The following KAZN variants were observed in gnomAD, a reference collection of about 807,000 sequenced individuals.
KAZN encodes kazrin.
KAZN carries 40 observed loss-of-function variants against 87.4 expected under a neutral mutation model. That is an observed-to-expected ratio of 0.46 (90% CI 0.36 to 0.60). The LOEUF is 0.60. Ranked by LOEUF, KAZN falls within the 20% of genes least tolerant of loss-of-function variation. KAZN has a pLI of 0.00. For synonymous variants in KAZN, 466 were observed against 458.3 expected (o/e 1.02, Z -0.22); for missense variants, 898 against 1,073.9 (o/e 0.84, Z 2.29).
intron 2 of KAZN, among the ~76,000 whole-genome samples, chr1:14,570,777 A>G (rs1674815531): frequency 6.6e-6 from 1 of 152,216 alleles, no homozygotes; most frequent in African/African-American, 2.4e-5. Flanking sequence ...TGGTAATTTT[A>G]TGCTTAACAT....
intron 2 of KAZN, among the ~76,000 whole-genome samples, chr1:14,242,991 T>A (rs1347410179): frequency 2.0e-5 from 3 of 152,116 alleles, no homozygotes; most frequent in Non-Finnish European, 2.9e-5. Context: ...CGAATGAAAA[T>A]GAAGATTAAG....
chr1:15,012,403 C>T (rs140795852), intron 2 of KAZN, among the ~76,000 whole-genome samples: 210 of 152,268 alleles, frequency 1.4e-3, no homozygotes, highest in African/African-American at 4.8e-3. Flanking sequence ...CCCAAATCTC[C>T]CATGGTGAGT....
chr1:15,033,036 A>G (rs1239922454), intron 2 of KAZN, among the ~76,000 whole-genome samples: 1 of 151,966 alleles, frequency 6.6e-6, no homozygotes, highest in Admixed American at 6.5e-5. Context: ...TTTTCTTGTC[A>G]TTATTCCCAA....
chr1:14,255,516 C>T (rs749595023), intron 2 of KAZN, among the ~76,000 whole-genome samples: 2 of 152,196 alleles, frequency 1.3e-5, no homozygotes, highest in African/African-American at 4.8e-5. Flanking sequence ...TCAGTTCTGT[C>T]GTCCAGTACT....
intron 1 of KAZN, among the ~76,000 whole-genome samples, chr1:14,740,909 G>T (rs1644077111): frequency 6.6e-6 from 1 of 152,192 alleles, no homozygotes. Flanking sequence ...CCTGGGGAAT[G>T]ACAGACACTT....
At chr1:14,006,091 C>T (rs1640026738) in intron 1 of KAZN, among the ~76,000 whole-genome samples, 1 of 152,008 alleles carries the variant, frequency 6.6e-6, no homozygotes, top group Non-Finnish European at 1.5e-5. Context: ...ATATTTTCTC[C>T]CAATCTGTAG....
chr1:15,103,279 A>G, intron 11 of KAZN, 80 bp from the exon 12 acceptor site: 1 of 1,008,908 alleles, frequency 9.9e-7, no homozygotes, highest in Middle Eastern at 3.0e-4. Context: ...GGGGAAAAAG[A>G]GATGCGGGGC....
intron 2 of KAZN, among the ~76,000 whole-genome samples, chr1:14,368,776 C>A (rs1660220603): frequency 6.6e-6 from 1 of 152,180 alleles, no homozygotes; most frequent in Non-Finnish European, 1.5e-5. Flanking sequence ...GTGTCTAAAG[C>A]AACTCACTCA....
chr1:14,630,387 A>G (rs1297429747), intron 1 of KAZN, among the ~76,000 whole-genome samples: 1 of 152,154 alleles, frequency 6.6e-6, no homozygotes, highest in Non-Finnish European at 1.5e-5. Context: ...CGTTGTCTGT[A>G]TACTCAACTA....
intron 2 of KAZN, among the ~76,000 whole-genome samples, chr1:15,011,657 A>C (rs1024281435): frequency 4.6e-5 from 7 of 152,230 alleles, no homozygotes; most frequent in Non-Finnish European, 8.8e-5. Context: ...ACCAAACTTA[A>C]AGCCGGTGAT....
chr1:14,342,052 A>G (rs901401814), intron 2 of KAZN, among the ~76,000 whole-genome samples: 1 of 152,126 alleles, frequency 6.6e-6, no homozygotes, highest in African/African-American at 2.4e-5. Context: ...CTCATCATTT[A>G]GCTCCCACTT....
intron 13 of KAZN, among the ~76,000 whole-genome samples, chr1:15,104,687 G>A (rs1164315664): frequency 6.6e-6 from 1 of 152,186 alleles, no homozygotes; most frequent in Non-Finnish European, 1.5e-5. Context: ...AAAGTGACCA[G>A]AGAATGAACA....
intron 1 of KAZN, among the ~76,000 whole-genome samples, chr1:14,791,013 C>T (rs1039136092): frequency 1.3e-5 from 2 of 152,182 alleles, no homozygotes; most frequent in Admixed American, 6.5e-5. Context: ...CAAGGGAGGG[C>T]AGGCTGGATT....
intron 1 of KAZN, among the ~76,000 whole-genome samples, chr1:14,070,214 A>C: frequency 6.7e-6 from 1 of 149,496 alleles, no homozygotes; most frequent in East Asian, 2.0e-4. Context: ...GAAAAGAGGG[A>C]GGAGACAAAT....
At chr1:14,842,270 A>G (rs916768886) in intron 1 of KAZN, among the ~76,000 whole-genome samples, 1 of 152,258 alleles carries the variant, frequency 6.6e-6, no homozygotes, top group Non-Finnish European at 1.5e-5. Flanking sequence ...TGTTGAATGC[A>G]TGAATGAATG....
At chr1:13,903,014 G>A (rs1161752138) in intron 1 of KAZN, among the ~76,000 whole-genome samples, 1 of 152,264 alleles carries the variant, frequency 6.6e-6, no homozygotes, top group East Asian at 1.9e-4. Context: ...AGCAAATGAG[G>A]TGGGTTTCCA....
chr1:14,042,283 A>G (rs559470801), intron 1 of KAZN, among the ~76,000 whole-genome samples: 247 of 152,124 alleles, frequency 1.6e-3, no homozygotes, highest in African/African-American at 5.7e-3. Context: ...ATTTCTTTGG[A>G]AAATATACCC....
At chr1:14,513,369 C>T (rs985756927) in intron 2 of KAZN, among the ~76,000 whole-genome samples, 2 of 152,118 alleles carry the variant, frequency 1.3e-5, no homozygotes, top group Admixed American at 1.3e-4. Flanking sequence ...TGTTGATAGA[C>T]TTCTGTTTAA....
At chr1:13,992,322 G>C (rs1639322891) in intron 1 of KAZN, among the ~76,000 whole-genome samples, 2 of 151,922 alleles carry the variant, frequency 1.3e-5, no homozygotes, top group Non-Finnish European at 1.5e-5. Context: ...CAAAATTATT[G>C]TGTGAATGGC....
Sources: allele counts gnomAD v4.1 joint callset (sites outside exome capture counted in the v4.1 genomes callset), GRCh38; gene constraint gnomAD v4.1.1; transcripts MANE v1.5; gene names NCBI Gene and HGNC (gene_info 2026-07-23, HGNC 2026-07-21).